Variants in MALRD1 observed in about 807,000 individuals in gnomAD.
MALRD1 encodes MAM and LDL-receptor class A domain-containing protein 1.
MALRD1 carries 247 observed loss-of-function variants against 242.1 expected under a neutral mutation model. The ratio of observed to expected loss-of-function variants is 1.02; its 90% CI spans 0.92 to 1.13. The LOEUF is 1.13. Ranked by LOEUF, MALRD1 falls within the 50% of genes most tolerant of loss-of-function variation. MALRD1 has a pLI of 0.00. For synonymous variants in MALRD1, 995 were observed against 866.6 expected, an observed-to-expected ratio of 1.15 and a Z score of -2.60; for missense variants, 2,989 against 2,533.1, an observed-to-expected ratio of 1.18 and a Z score of -3.86.
chr10:19,696,800 C>T (rs865985686), intron 38 of MALRD1, among the ~76,000 whole-genome samples: 1 of 151,820 alleles, frequency 6.6e-6, no homozygotes, highest in Non-Finnish European at 1.5e-5. Flanking sequence ...CCTGTAATCC[C>T]AGCTGCTTGG....
At position 19,203,734 on chromosome 10, in the gene MALRD1, A is replaced by C; in HGVS notation, c.1958A>C (p.Lys653Thr). The change falls in exon 15 of 40, where the codon AAG (lysine) becomes ACG (threonine). Residue 653 changes from lysine (K) to threonine (T), a missense_variant. Physicochemically the swap from Lys to Thr is moderately conservative, Grantham distance 78. Coordinates refer to ENST00000454679, the MANE Select transcript of MALRD1 (RefSeq NM_001142308.3). Reference protein sequence around the residue: ...PRTSTQSKFSKCDFEANSCDW... With the variant: ...PRTSTQSKFSTCDFEANSCDW... Reference sequence around the variant, plus strand: ...CCACATTTTTGTTCTTCAGTTTCCAAGTGTGACTTTGAAGCAAACAGCTGT... The same window carrying C: ...CCACATTTTTGTTCTTCAGTTTCCACGTGTGACTTTGAAGCAAACAGCTGT... The C allele has an allele frequency of 1.3e-6, 2 of 1,534,254 alleles. No homozygotes were observed.
At chr10:19,639,081 G>T (rs1470807161) in intron 36 of MALRD1, among the ~76,000 whole-genome samples, 1 of 151,972 alleles carries the variant, frequency 6.6e-6, no homozygotes, top group Non-Finnish European at 1.5e-5. Flanking sequence ...TGGAAGTATG[G>T]CATGGTCCAA....
intron 28 of MALRD1, among the ~76,000 whole-genome samples, chr10:19,405,914 T>C (rs1847079647): frequency 6.6e-6 from 1 of 152,132 alleles, no homozygotes; most frequent in African/African-American, 2.4e-5. Flanking sequence ...TAGAGTTTAT[T>C]TCCTGAAGTA....
chr10:19,561,801 A>T (rs1214712149), intron 32 of MALRD1, among the ~76,000 whole-genome samples: 1 of 152,076 alleles, frequency 6.6e-6, no homozygotes, highest in Admixed American at 6.5e-5. Flanking sequence ...CCCATGGAGA[A>T]CTAGAGGGGA....
intron 21 of MALRD1, among the ~76,000 whole-genome samples, chr10:19,308,140 T>A (rs1436238275): frequency 6.6e-6 from 1 of 151,538 alleles, no homozygotes. Flanking sequence ...CTTTCTATTT[T>A]TTTTATACTC....
At chr10:19,185,709 T>C (rs1412199040) in intron 14 of MALRD1, among the ~76,000 whole-genome samples, 2 of 152,106 alleles carry the variant, frequency 1.3e-5, no homozygotes, top group African/African-American at 4.8e-5. Context: ...CCAAGAATAA[T>C]TGCATTACTC....
At chr10:19,478,332 G>A (rs1044058580) in intron 29 of MALRD1, among the ~76,000 whole-genome samples, 5 of 152,150 alleles carry the variant, frequency 3.3e-5, no homozygotes, top group African/African-American at 9.7e-5. Flanking sequence ...CCTATCAGAT[G>A]TATATGACGT....
chr10:19,104,108 T>C (rs948907398), intron 5 of MALRD1, 33 bp downstream of exon 5: 1 of 1,128,612 alleles, frequency 8.9e-7, no homozygotes, highest in Middle Eastern at 2.3e-4. Context: ...TGATCTTTAC[T>C]GTGTTTAAAG....
At chr10:19,076,808 T>C (rs1835333874) in intron 2 of MALRD1, among the ~76,000 whole-genome samples, 2 of 151,982 alleles carry the variant, frequency 1.3e-5, no homozygotes, top group Non-Finnish European at 2.9e-5. Context: ...ATTTTAGTAT[T>C]AATTTGCAAA....
rs1320003360 is a variant in MALRD1, at chr10:19,730,574, A to AG, written c.6315-132_6315-131insG. On this transcript the variant is annotated intron_variant, in intron 38 of 39. Coordinates refer to ENST00000454679, the MANE Select transcript of MALRD1 (RefSeq NM_001142308.3). ...ATAAAAAACAAACTTTACTTATGGT[A>AG]ATACATTCATGAAAATAAGTGTGCT... is the stretch of plus-strand genomic sequence containing the variant. 3 of 914,024 alleles carry AG rather than the reference A, an allele frequency of 3.3e-6. No individual in the cohort carries two copies. The African/African-American group carries it at 4.9e-5, about 15-fold the overall frequency. 56.6% of individuals were successfully genotyped at this position (914,024 alleles called of 1,614,324 possible).
intron 21 of MALRD1, among the ~76,000 whole-genome samples, chr10:19,319,554 A>G (rs1842834923): frequency 6.6e-6 from 1 of 152,134 alleles, no homozygotes; most frequent in African/African-American, 2.4e-5. Context: ...TGTAACAAAA[A>G]ATCTCATAAA....
intron 14 of MALRD1, among the ~76,000 whole-genome samples, chr10:19,196,622 C>T (rs1836270065): frequency 6.6e-6 from 1 of 150,986 alleles, no homozygotes; most frequent in Non-Finnish European, 1.5e-5. Context: ...CTAACCTCCT[C>T]ATGTGAACTC....
At chr10:19,260,702 A>G (rs1164304194) in intron 19 of MALRD1, among the ~76,000 whole-genome samples, 3 of 152,136 alleles carry the variant, frequency 2.0e-5, no homozygotes, top group African/African-American at 4.8e-5. Flanking sequence ...CTGGTCCATC[A>G]TAGGTGAATA....
At chr10:19,582,079 T>C (rs1837156653) in intron 33 of MALRD1, among the ~76,000 whole-genome samples, 1 of 152,118 alleles carries the variant, frequency 6.6e-6, no homozygotes, top group South Asian at 2.1e-4. Flanking sequence ...GTTTGTTTTT[T>C]TCTTGTAAAT....
intron 29 of MALRD1, among the ~76,000 whole-genome samples, chr10:19,476,493 T>G (rs1392268301): frequency 6.6e-6 from 1 of 152,040 alleles, no homozygotes; most frequent in Non-Finnish European, 1.5e-5. Context: ...ATCCAGGATC[T>G]CAGGTTTCTG....
At chr10:19,557,621 T>G (rs934064477) in intron 32 of MALRD1, among the ~76,000 whole-genome samples, 1 of 152,168 alleles carries the variant, frequency 6.6e-6, no homozygotes, top group Admixed American at 6.6e-5. Context: ...TCTATTCTAT[T>G]CCATTATCAG....
At chr10:19,467,846 T>G (rs543403469) in intron 29 of MALRD1, among the ~76,000 whole-genome samples, 74 of 151,946 alleles carry the variant, frequency 4.9e-4, no homozygotes, top group Non-Finnish European at 1.0e-3. Flanking sequence ...CAGGCTGGAG[T>G]GCAGTGGCAC....
intron 1 of MALRD1, among the ~76,000 whole-genome samples, chr10:19,059,343 T>A (rs1834755245): frequency 6.6e-6 from 1 of 152,130 alleles, no homozygotes. Flanking sequence ...TTTTTGTATA[T>A]CTTTATGATT....
intron 28 of MALRD1, among the ~76,000 whole-genome samples, chr10:19,397,856 A>G (rs1846656532): frequency 6.6e-6 from 1 of 151,930 alleles, no homozygotes; most frequent in Non-Finnish European, 1.5e-5. Flanking sequence ...TCTAACAGGC[A>G]TGAGGTGATA....
Sources: allele counts gnomAD v4.1 joint callset (sites outside exome capture counted in the v4.1 genomes callset), GRCh38; gene constraint gnomAD v4.1.1; transcripts MANE v1.5; gene names NCBI Gene and HGNC (gene_info 2026-07-23, HGNC 2026-07-21).